GRAMD1C: variants seen among roughly 807,000 people sequenced by gnomAD.
The protein encoded by GRAMD1C is protein Aster-C.
In GRAMD1C, 89 loss-of-function variants were observed where a neutral mutation model predicts 97.8. The observed-to-expected ratio is 0.91, with a 90% CI of 0.77 to 1.09. The LOEUF is 1.09. Ranked by LOEUF, GRAMD1C falls within the 50% of genes least tolerant of loss-of-function variation. The pLI, the probability that GRAMD1C is intolerant of heterozygous loss-of-function variation, is 0.00. For synonymous variants in GRAMD1C, 256 were observed against 267.0 expected, an observed-to-expected ratio of 0.96 and a Z score of 0.40; for missense variants, 740 against 766.4, an observed-to-expected ratio of 0.97 and a Z score of 0.41.
rs999505650 is a variant in GRAMD1C at position 113,838,821 on chromosome 3, C to T, written c.-89C>T. ...GGCCGGCGGAGGAGGCGCGCGGAGC[C>T]TGTAACTCGCAGCGCGCGCTGGAGG... On this transcript the variant is annotated 5_prime_UTR_variant, in exon 1 of 18. Transcript: ENST00000358160. The T allele has an allele frequency of 2.1e-6, 2 of 972,148 alleles. No individual in the cohort carries two copies. The highest frequency in any genetic ancestry group is 2.7e-6 in the Non-Finnish European group (2 of 753,576). The allele number at this position is 972,148 out of a possible 1,614,324, so 60.2% of individuals were successfully genotyped here. A position where few individuals can be genotyped will look rare whatever the true frequency, so the allele number is the denominator to read the frequency against.
intron 9 of GRAMD1C, chr3:113,913,221 A>C (rs866852876): frequency 1.1e-5 from 6 of 559,934 alleles, no homozygotes; most frequent in Middle Eastern, 6.4e-4. Context: ...TTTTATAAGA[A>C]TGGTCCTTCC....
chr3:113,916,368 G>C (rs1010619145), intron 10 of GRAMD1C, among the ~76,000 whole-genome samples: 10 of 152,180 alleles, frequency 6.6e-5, no homozygotes, highest in Admixed American at 2.6e-4. Context: ...ATCAGTAATA[G>C]AATGGGTGAA....
intron 3 of GRAMD1C, among the ~76,000 whole-genome samples, chr3:113,874,681 G>T (rs527763032): frequency 6.6e-6 from 1 of 152,292 alleles, no homozygotes; most frequent in African/African-American, 2.4e-5. Context: ...GACTTAAAAT[G>T]TATACAATTT....
At chr3:113,888,575 G>T (rs558561229) in intron 6 of GRAMD1C, among the ~76,000 whole-genome samples, 1 of 152,044 alleles carries the variant, frequency 6.6e-6, no homozygotes, top group East Asian at 1.9e-4. Flanking sequence ...TGATTGTGGC[G>T]ACCACAATGT....
intron 3 of GRAMD1C, among the ~76,000 whole-genome samples, chr3:113,874,276 A>G (rs1934941408): frequency 6.6e-6 from 1 of 152,168 alleles, no homozygotes; most frequent in Non-Finnish European, 1.5e-5. Context: ...ACAGAGCCAG[A>G]TCTTAACCTT....
rs558279380 is a variant in GRAMD1C, at chr3:113,927,276, C to A, written c.1091-3438C>A. 4.6e-5 allele frequency among the ~76,000 whole-genome samples: 7 copies of A among 152,194 alleles called. No homozygotes were observed. In the East Asian group the frequency reaches 1.4e-3, roughly 29 times the overall value. On this transcript the variant is annotated intron_variant, in intron 10 of 17. Transcript: ENST00000358160. ...GAAAAGGGAAAGTGATGACCCCCTA[C>A]CCTGGTTGGCTCTTGGGCCTTGGAG...
chr3:113,850,556 C>T (rs1366306775), intron 2 of GRAMD1C: 1 of 1,602,102 alleles, frequency 6.2e-7, no homozygotes, highest in Non-Finnish European at 8.5e-7. Flanking sequence ...CAAACTGTTC[C>T]TTCACGTAGC....
chr3:113,885,441 A>G (rs1197830996), intron 6 of GRAMD1C: 4 of 1,573,816 alleles, frequency 2.5e-6, no homozygotes, highest in Non-Finnish European at 3.5e-6. Flanking sequence ...TCCTCCCCTT[A>G]TCTCCTGTGT....
chr3:113,903,111 C>T (rs1002215902), intron 7 of GRAMD1C, among the ~76,000 whole-genome samples: 10 of 151,420 alleles, frequency 6.6e-5, no homozygotes, highest in Non-Finnish European at 8.8e-5. Context: ...ACTTCAGGTG[C>T]GTGCCACCAC....
upstream of GRAMD1C, among the ~76,000 whole-genome samples, chr3:113,838,096 C>A (rs1458729010): frequency 1.3e-5 from 2 of 151,948 alleles, no homozygotes; most frequent in Non-Finnish European, 2.9e-5. Context: ...ATGTCCAATC[C>A]CCTCTTTCAT....
At chr3:113,936,665 T>A (rs1937584088) in intron 14 of GRAMD1C, 1 of 373,532 alleles carries the variant, frequency 2.7e-6, no homozygotes. Flanking sequence ...ATTTGGCCCA[T>A]GTGTCATTTT....
intron 9 of GRAMD1C, among the ~76,000 whole-genome samples, chr3:113,914,386 C>T (rs1936723978): frequency 6.6e-6 from 1 of 152,128 alleles, no homozygotes; most frequent in Non-Finnish European, 1.5e-5. Flanking sequence ...ACAAATCATC[C>T]AATGAGGGAT....
chr3:113,876,711 T>C (rs1400144926), intron 5 of GRAMD1C, among the ~76,000 whole-genome samples: 1 of 152,136 alleles, frequency 6.6e-6, no homozygotes, highest in Non-Finnish European at 1.5e-5. Context: ...TCACCTACAA[T>C]GTCTGCCATT....
At chr3:113,839,418 T>A (rs961924717) in intron 1 of GRAMD1C, among the ~76,000 whole-genome samples, 2 of 152,236 alleles carry the variant, frequency 1.3e-5, no homozygotes, top group African/African-American at 4.8e-5. Flanking sequence ...AGCGTGCTTA[T>A]TAATATTCAG....
chr3:113,904,203 C>A lies in GRAMD1C; in HGVS notation c.720C>A (p.Ile240=). The change falls in exon 8 of 18, where the codon ATC becomes ATA. Residue 240 remains isoleucine (I), a synonymous_variant. Transcript: ENST00000358160. ...GERDEKLSKS[I]SFTSESISRV... ...GAGATGAAAAATTATCCAAGTCAAT[C>A]AGTTTTACCAGTGAATCAATTAGTC... 1 of 1,605,644 alleles carries A rather than the reference C, an allele frequency of 6.2e-7. No homozygotes were observed. The highest frequency in any genetic ancestry group is 8.5e-7 in the Non-Finnish European group (1 of 1,172,378).
intron 10 of GRAMD1C, among the ~76,000 whole-genome samples, chr3:113,928,554 A>G (rs757690467): frequency 5.3e-5 from 8 of 152,238 alleles, no homozygotes; most frequent in Non-Finnish European, 1.2e-4. Context: ...GTTATTGTAC[A>G]ACCACTGCCA....
intron 10 of GRAMD1C, among the ~76,000 whole-genome samples, chr3:113,927,867 C>T (rs1363470209): frequency 2.6e-5 from 4 of 152,170 alleles, no homozygotes; most frequent in African/African-American, 9.7e-5. Flanking sequence ...CAGGCAGGAC[C>T]GTGACCGCTA....
chr3:113,856,436 A>G (rs963193593), intron 2 of GRAMD1C, among the ~76,000 whole-genome samples: 1 of 152,126 alleles, frequency 6.6e-6, no homozygotes, highest in African/African-American at 2.4e-5. Context: ...TCCTCATGTT[A>G]CCCTTTTATA....
chr3:113,930,102 T>A (rs1937355411), intron 10 of GRAMD1C, among the ~76,000 whole-genome samples: 1 of 152,184 alleles, frequency 6.6e-6, no homozygotes, highest in Non-Finnish European at 1.5e-5. Context: ...CCTAAGCAAA[T>A]AAAAGAGAAT....
Sources: allele counts gnomAD v4.1 joint callset (sites outside exome capture counted in the v4.1 genomes callset), GRCh38; gene constraint gnomAD v4.1.1; transcripts MANE v1.5; gene names NCBI Gene and HGNC (gene_info 2026-07-23, HGNC 2026-07-21).